The following ABLIM1 variants were observed in gnomAD, a reference collection of about 807,000 sequenced individuals.
ABLIM1 encodes actin binding LIM protein 1.
Under a neutral mutation model 107.0 loss-of-function variants are expected in ABLIM1, and 40 were observed. The observed-to-expected ratio is 0.37, with a 90% CI of 0.29 to 0.49. The LOEUF (loss-of-function observed/expected upper bound fraction) is 0.49, where lower values mean the gene tolerates loss of function less well. Among genes scored for constraint, ABLIM1 ranks in the 20% least tolerant of loss-of-function variants. The probability of loss-of-function intolerance (pLI) is 0.97; values close to 1 mark genes in which losing one functional copy is unlikely to be tolerated. For missense variants in ABLIM1, 857 were observed against 1,008.5 expected, an observed-to-expected ratio of 0.85 and a Z score of 2.04; for synonymous variants, 357 against 357.3, an observed-to-expected ratio of 1.00 and a Z score of 0.01.
intron 14 of ABLIM1, among the ~76,000 whole-genome samples, chr10:114,450,615 T>G (rs1372450610): frequency 6.9e-6 from 1 of 144,174 alleles, no homozygotes; most frequent in African/African-American, 2.7e-5. Flanking sequence ...TTTTTGGTAT[T>G]TTTAATAGAG....
the ABLIM1 span, among the ~76,000 whole-genome samples, chr10:114,791,143 G>C: frequency 6.6e-6 from 1 of 152,126 alleles, no homozygotes; most frequent in African/African-American, 2.4e-5. Flanking sequence ...AGCGATCATA[G>C]CGATCATAGC....
rs555570552 is a variant in ABLIM1 at position 114,485,529 on chromosome 10, C to A, written c.1041+2429G>T. ...CAAGTGGGATTCTTTCATTGATGTA[C>A]ATGTGGATTTTTGGGCCCATGTTTA... On this transcript the variant is annotated intron_variant, in intron 8 of 22. Transcript: ENST00000533213. The A allele has an allele frequency of 1.4e-4, 99 of 707,070 alleles. No individual in the cohort carries two copies. The South Asian group carries it at 2.0e-3, about 14-fold the overall frequency. 43.8% of individuals were successfully genotyped at this position (707,070 alleles called of 1,614,324 possible).
At chr10:114,597,485 G>GAAAGA (rs905044351) in intron 2 of ABLIM1, among the ~76,000 whole-genome samples, 12 of 146,852 alleles carry the variant, frequency 8.2e-5, no homozygotes, top group Non-Finnish European at 1.6e-4. Context: ...ATGAAAGAAT[G>GAAAGA]AAAGAAAAGA....
intron 1 of ABLIM1, among the ~76,000 whole-genome samples, chr10:114,745,418 A>G (rs808324): frequency 0.11 from 16,797 of 150,824 alleles, 951 homozygotes; most frequent in Middle Eastern, 0.15. Context: ...AAAATTAGCC[A>G]GGCATGGTGG....
intron 1 of ABLIM1, among the ~76,000 whole-genome samples, chr10:114,609,801 T>C (rs1197267146): frequency 1.3e-5 from 2 of 152,244 alleles, no homozygotes; most frequent in Non-Finnish European, 2.9e-5. Flanking sequence ...GAATACTTAA[T>C]GATGTTCCAG....
intron 1 of ABLIM1, among the ~76,000 whole-genome samples, chr10:114,729,281 T>A (rs1263612847): frequency 6.6e-6 from 1 of 152,102 alleles, no homozygotes; most frequent in Non-Finnish European, 1.5e-5. Context: ...GGATACACCC[T>A]GAGCTCCAAA....
chr10:114,761,259 A>C (rs1006842291), intron 1 of ABLIM1, among the ~76,000 whole-genome samples: 1 of 89,738 alleles, frequency 1.1e-5, no homozygotes, highest in Non-Finnish European at 2.7e-5. Context: ...AAAGCTCAAG[A>C]AATCGGCAAA....
At chr10:114,589,308 T>A (rs2074568908) in intron 2 of ABLIM1, among the ~76,000 whole-genome samples, 1 of 150,668 alleles carries the variant, frequency 6.6e-6, no homozygotes, top group Non-Finnish European at 1.5e-5. Context: ...GGCAGGTAGA[T>A]CACCTGAGGT....
intron 4 of ABLIM1, among the ~76,000 whole-genome samples, chr10:114,553,884 T>C (rs1333869225): frequency 2.6e-5 from 4 of 152,146 alleles, no homozygotes; most frequent in South Asian, 2.1e-4. Context: ...GAATGTCCCA[T>C]GGATGGTACC....
chr10:114,715,985 A>T (rs2141992409), intron 1 of ABLIM1, among the ~76,000 whole-genome samples: 1 of 152,266 alleles, frequency 6.6e-6, no homozygotes, highest in East Asian at 1.9e-4. Flanking sequence ...ATCAGATTCC[A>T]CTAGGCCATC....
chr10:114,731,040 C>T (rs901850143), intron 1 of ABLIM1, among the ~76,000 whole-genome samples: 1 of 152,166 alleles, frequency 6.6e-6, no homozygotes, highest in African/African-American at 2.4e-5. Flanking sequence ...GGATACACCA[C>T]ATTTTGTTTA....
intron 1 of ABLIM1, among the ~76,000 whole-genome samples, chr10:114,648,950 A>T (rs1362378290): frequency 1.4e-5 from 1 of 72,602 alleles, no homozygotes; most frequent in Non-Finnish European, 4.4e-5. Flanking sequence ...ACTGAACTTA[A>T]AAAAAAAAAT....
intron 6 of ABLIM1, among the ~76,000 whole-genome samples, chr10:114,544,483 G>A (rs920231519): frequency 6.6e-6 from 1 of 152,198 alleles, no homozygotes; most frequent in African/African-American, 2.4e-5. Flanking sequence ...AACTTGACAG[G>A]CTTCAGCTCA....
intron 1 of ABLIM1, among the ~76,000 whole-genome samples, chr10:114,702,878 A>C (rs1054649955): frequency 6.6e-6 from 1 of 152,116 alleles, no homozygotes; most frequent in African/African-American, 2.4e-5. Flanking sequence ...ATCATAATAT[A>C]CTTTCCCTCG....
Position 114,757,009 on chromosome 10 carries a change from G to C in ABLIM1, c.-213+11052C>G, listed in dbSNP as rs187682887. Among the ~76,000 whole-genome samples, 76 of 152,148 alleles carry C rather than the reference G, an allele frequency of 5.0e-4. 2 individuals carry two copies. Among genetic ancestry groups the C allele is most frequent in the Non-Finnish European group, 1.9e-4 (13 of 68,038 alleles). On this transcript the variant is annotated intron_variant, in intron 1 of 15. Coordinates refer to the ABLIM1 transcript ENST00000651092. ...ACCAAGCACTCAGTGCCAAATCATAGAGCATGCATCTTCATATTTCAATAG... is the reference window on the plus strand; with the variant it reads ...ACCAAGCACTCAGTGCCAAATCATACAGCATGCATCTTCATATTTCAATAG...
chr10:114,699,722 T>A (rs149664399), intron 1 of ABLIM1, among the ~76,000 whole-genome samples: 190 of 152,264 alleles, frequency 1.2e-3, no homozygotes, highest in African/African-American at 3.8e-3. Flanking sequence ...ATTGTTGAAA[T>A]AAATATAAAT....
chr10:114,656,253 A>T (rs929422158), intron 1 of ABLIM1, among the ~76,000 whole-genome samples: 1 of 149,264 alleles, frequency 6.7e-6, no homozygotes, highest in Non-Finnish European at 1.5e-5. Flanking sequence ...CTGGGCAACA[A>T]AGCAAAACTC....
chr10:114,771,800 A>G (rs1328337136), upstream of ABLIM1, among the ~76,000 whole-genome samples: 1 of 152,262 alleles, frequency 6.6e-6, no homozygotes, highest in Non-Finnish European at 1.5e-5. Context: ...GGAAAAATTT[A>G]TATAGACCAA....
At chr10:114,694,193 G>A (rs1276948869) in intron 1 of ABLIM1, among the ~76,000 whole-genome samples, 7 of 152,178 alleles carry the variant, frequency 4.6e-5, no homozygotes, top group Non-Finnish European at 1.5e-5. Flanking sequence ...TCTGTCTGCT[G>A]GCTGTGACCT....
Sources: allele counts gnomAD v4.1 joint callset (sites outside exome capture counted in the v4.1 genomes callset), GRCh38; gene constraint gnomAD v4.1.1; transcripts MANE v1.5; gene names NCBI Gene and HGNC (gene_info 2026-07-23, HGNC 2026-07-21).